The following NAGLU variants were observed in gnomAD, a reference collection of about 807,000 sequenced individuals.
The protein encoded by NAGLU is N-acetyl-alpha-glucosaminidase, also known as alpha-N-acetylglucosaminidase.
A neutral mutation model predicts 43.4 loss-of-function variants in NAGLU; 34 were observed. The observed-to-expected ratio is 0.78, with a 90% confidence interval of 0.60 to 1.04. NAGLU has a LOEUF of 1.04. Among genes scored for constraint, NAGLU ranks in the 50% least tolerant of loss-of-function variants. The pLI is 0.00. For missense variants in NAGLU, 910 were observed against 993.7 expected (o/e 0.92, Z 1.13); for synonymous variants, 425 against 437.6 (o/e 0.97, Z 0.36).
chr17:42,537,072 C>T, intron 1 of NAGLU: 1 of 462,916 alleles, frequency 2.2e-6, no homozygotes, highest in Non-Finnish European at 4.0e-6. Flanking sequence ...CTCCCCTGCC[C>T]ATCTGTTAGA....
At chr17:42,537,266 G>T in intron 1 of NAGLU, 132 bp from the exon 2 acceptor site, 1 of 1,363,466 alleles carries the variant, frequency 7.3e-7, no homozygotes, top group Non-Finnish European at 1.0e-6. Flanking sequence ...ACCTGGGGTG[G>T]GTCCCAGTGT....
At chr17:42,540,904 A>G (rs1209378578) in intron 4 of NAGLU, 46 bp from the exon 5 acceptor site, 2 of 1,613,918 alleles carry the variant, frequency 1.2e-6, no homozygotes, top group Non-Finnish European at 1.7e-6. Flanking sequence ...TATGGTGAAC[A>G]CTATGGCGGC....
rs773171472 is a variant in NAGLU, at chr17:42,543,484, C to T, written c.1478C>T (p.Ala493Val). The change falls in exon 6 of 6, where the codon GCG becomes GTG. Residue 493 changes from alanine to valine, a missense_variant. Ala to Val is a moderately conservative substitution (Grantham distance 64, BLOSUM62 0). Transcript: ENST00000225927. ...GTCTCCCACCCGGACGCAGGGGCAG[C>T]GTGGAGGCTACTGCTCCGGAGTGTG... ...YGVSHPDAGA[A>V]WRLLLRSVYN... The T allele has an allele frequency of 1.2e-6, 2 of 1,601,006 alleles. No homozygotes were observed. Among genetic ancestry groups the T allele is most frequent in the East Asian group, 2.3e-5 (1 of 44,418 alleles).
At chr17:42,537,206 C>A in intron 1 of NAGLU, 192 bp from the exon 2 acceptor site, 1 of 744,550 alleles carries the variant, frequency 1.3e-6, no homozygotes, top group Non-Finnish European at 2.2e-6. Context: ...TGGGAGAGTG[C>A]AGGGGACGAG....
chr17:42,537,597 A>C, intron 2 of NAGLU, 52 bp downstream of exon 2: 3 of 1,601,892 alleles, frequency 1.9e-6, no homozygotes, highest in Non-Finnish European at 1.7e-6. Context: ...GAGCCACCGT[A>C]GGTGTTTTCA....
chr17:42,543,187 C>G lies in NAGLU; in HGVS notation c.1181C>G (p.Thr394Ser). The G allele has an allele frequency of 1.2e-6, 2 of 1,614,246 alleles. No homozygotes were observed. The highest frequency in any genetic ancestry group is 2.2e-5 in the South Asian group (2 of 91,092). Residue 394 changes from threonine to serine, a missense_variant, in exon 6 of 6, where the codon ACT becomes AGT. Physicochemically the swap from Thr to Ser is moderately conservative, Grantham distance 58 (BLOSUM62 1). Coordinates refer to ENST00000225927, the MANE Select transcript of NAGLU (RefSeq NM_000263.4). ...GAGAGCCAGCCTGTGTATACCCGCA[C>G]TGCCTCCTTCCAGGGCCAGCCCTTC... ...FAESQPVYTR[T>S]ASFQGQPFIW...
intron 2 of NAGLU, 151 bp downstream of exon 2, chr17:42,537,696 G>A: frequency 2.6e-6 from 3 of 1,153,680 alleles, no homozygotes; most frequent in South Asian, 1.5e-5. Context: ...TGAGGCTTCC[G>A]GCCGGGCGCG....
In NAGLU at chr17:42,544,324, C is replaced by A. The variant is rs2092931439; in HGVS notation, c.*86C>A. The A allele has an allele frequency of 5.0e-6, 8 of 1,588,160 alleles. No individual in the cohort carries two copies. The highest frequency in any genetic ancestry group is 1.7e-5 in the Admixed American group (1 of 58,872). On this transcript the variant is annotated 3_prime_UTR_variant, in exon 6 of 6. Coordinates refer to ENST00000225927, the MANE Select transcript of NAGLU (RefSeq NM_000263.4). ...AGCTGGACAGACATCACAGGATAAC[C>A]CAGGCCTGGGAGGAGGCCCCACGGC... is the stretch of plus-strand genomic sequence containing the variant.
rs776459470 is a variant in NAGLU at position 42,540,998 on chromosome 17, T to C, written c.813T>C (p.Phe271=). 3.1e-5 allele frequency: 50 copies of C among 1,614,076 alleles called. No individual in the cohort carries two copies. Among genetic ancestry groups the C allele is most frequent in the Non-Finnish European group, 4.2e-5 (49 of 1,180,042 alleles). Residue 271 remains phenylalanine, a synonymous_variant, in exon 5 of 6, where the codon TTT becomes TTC. Transcript: ENST00000225927. ...CGAAGATGGGCAGTTGGGGCCACTT[T>C]AACTGTTCCTACTCCTGCTCCTTCC... ...NVTKMGSWGH[F]NCSYSCSFLL...
Position 42,543,378 on chromosome 17 carries a change from A to T in NAGLU, c.1372A>T (p.Met458Leu). ...ISQNEVVYSLMAELGWRKDPV... is the reference protein window; with the variant it reads ...ISQNEVVYSLLAELGWRKDPV... ...CCAGAACGAAGTGGTCTATTCCCTC[A>T]TGGCTGAGCTGGGCTGGCGAAAGGA... The change falls in exon 6 of 6, where the codon ATG becomes TTG. Residue 458 changes from methionine (M) to leucine (L), a missense_variant. Met to Leu is a conservative substitution (Grantham distance 15, BLOSUM62 2). Coordinates refer to ENST00000225927, the MANE Select transcript of NAGLU (RefSeq NM_000263.4). 1.9e-6 allele frequency: 3 copies of T among 1,611,326 alleles called. No individual in the cohort carries two copies. In the South Asian group the frequency reaches 3.3e-5, roughly 18 times the overall value.
chr17:42,543,799 T>C lies in NAGLU; in HGVS notation c.1793T>C (p.Leu598Pro). Residue 598 changes from leucine (L) to proline (P), a missense_variant, in exon 6 of 6, where the codon CTG (leucine) becomes CCG (proline). By Grantham distance (98) the Leu-to-Pro change is moderately conservative. Transcript: ENST00000225927. ...TCCCTGTTGAGGGCTGGAGGCGTCCTGGCCTATGAGCTGCTGCCGGCACTG... is the reference window on the plus strand; with the variant it reads ...TCCCTGTTGAGGGCTGGAGGCGTCCCGGCCTATGAGCTGCTGCCGGCACTG... ...LASLLRAGGV[L>P]AYELLPALDE... 1 of 1,608,576 alleles carries C rather than the reference T, an allele frequency of 6.2e-7. No homozygotes were observed. Among genetic ancestry groups the C allele is most frequent in the Non-Finnish European group, 8.5e-7 (1 of 1,178,236 alleles).
Position 42,543,178 on chromosome 17 carries a change from A to AT in NAGLU, c.1173dup (p.Thr392TyrfsTer69), listed in dbSNP as rs2143108228. On this transcript the variant is annotated frameshift_variant, in exon 6 of 6. Transcript: ENST00000225927. LOFTEE classifies it high-confidence loss of function. ...CTGTTTGCTGAGAGCCAGCCTGTGT[A>AT]TACCCGCACTGCCTCCTTCCAGGGC... 6.2e-7 allele frequency: 1 copy of AT among 1,614,188 alleles called. No homozygotes were observed. Among genetic ancestry groups the AT allele is most frequent in the Non-Finnish European group, 8.5e-7 (1 of 1,180,046 alleles).
intron 1 of NAGLU, 165 bp from the exon 2 acceptor site, chr17:42,537,233 C>T (rs2092908810): frequency 2.0e-6 from 2 of 1,017,166 alleles, no homozygotes; most frequent in Non-Finnish European, 2.9e-6. Context: ...AGAAGCCCAG[C>T]CCCGGTACCT....
At chr17:42,537,222 C>T in intron 1 of NAGLU, 176 bp from the exon 2 acceptor site, 1 of 911,274 alleles carries the variant, frequency 1.1e-6, no homozygotes, top group South Asian at 1.5e-5. Flanking sequence ...ACGAGTGCCT[C>T]AGAAGCCCAG....
chr17:42,542,914 G>C, intron 5 of NAGLU, 114 bp from the exon 6 acceptor site: 1 of 1,505,278 alleles, frequency 6.6e-7, no homozygotes, highest in Non-Finnish European at 9.1e-7. Context: ...GCTGGTGGGG[G>C]TCATGGGAAG....
rs1488990082 is a variant in NAGLU, at chr17:42,544,221, G to A, written c.2215G>A (p.Val739Met). 1.9e-6 allele frequency: 3 copies of A among 1,610,016 alleles called. No homozygotes were observed. The Admixed American group carries it at 5.0e-5, about 27-fold the overall frequency. Residue 739 changes from valine (V) to methionine (M), a missense_variant, in exon 6 of 6, where the codon GTG becomes ATG. Val to Met is a conservative substitution (Grantham distance 21, BLOSUM62 1). Coordinates refer to ENST00000225927, the MANE Select transcript of NAGLU (RefSeq NM_000263.4). ...KIFLKYYPRW[V>M]AGSW ...CTTCCTCAAATATTACCCCCGCTGG[G>A]TGGCCGGCTCTTGGTGATAGATTCG...
intron 1 of NAGLU, 61 bp downstream of exon 1, chr17:42,536,716 C>A: frequency 7.3e-7 from 1 of 1,364,602 alleles, no homozygotes; most frequent in South Asian, 1.6e-5. Flanking sequence ...GGAGCCGCTG[C>A]CACCCAAATC....
Position 42,543,403 on chromosome 17 carries a change from A to G in NAGLU, c.1397A>G (p.Asp466Gly). Reference sequence around the variant, plus strand: ...ATGGCTGAGCTGGGCTGGCGAAAGGACCCAGTGCCAGATTTGGCAGCCTGG... The same window carrying G: ...ATGGCTGAGCTGGGCTGGCGAAAGGGCCCAGTGCCAGATTTGGCAGCCTGG... ...SLMAELGWRK[D>G]PVPDLAAWVT... Residue 466 changes from aspartate (D) to glycine (G), a missense_variant, in exon 6 of 6, where the codon GAC (aspartate) becomes GGC (glycine). Physicochemically the swap from Asp to Gly is moderately conservative, Grantham distance 94 (BLOSUM62 -1). Transcript: ENST00000225927. 2 of 1,605,862 alleles carry G rather than the reference A, an allele frequency of 1.2e-6. No individual in the cohort carries two copies. Among genetic ancestry groups the G allele is most frequent in the Non-Finnish European group, 1.7e-6 (2 of 1,176,730 alleles).
chr17:42,537,368 A>T, intron 1 of NAGLU, 30 bp from the exon 2 acceptor site: 2 of 1,613,796 alleles, frequency 1.2e-6, no homozygotes, highest in East Asian at 4.5e-5. Flanking sequence ...CCAGGGTGGG[A>T]TGCGCCCCTG....
Sources: gnomAD v4.1 joint callset for allele counts on GRCh38, gnomAD v4.1.1 for gene constraint, MANE v1.5 for transcripts, NCBI Gene and HGNC (gene_info 2026-07-23, HGNC 2026-07-21) for gene names.